Variants in TNRC18 observed in about 807,000 individuals in gnomAD.
The protein encoded by TNRC18 is trinucleotide repeat containing 18.
TNRC18 carries 69 observed loss-of-function variants against 226.7 expected under a neutral mutation model. The ratio of observed to expected loss-of-function variants is 0.30; its 90% CI spans 0.25 to 0.37. The LOEUF (loss-of-function observed/expected upper bound fraction) is 0.37, where lower values mean the gene tolerates loss of function less well. TNRC18 is among the 10% of genes least tolerant of loss of function. TNRC18 has a pLI of 1.00. For synonymous variants in TNRC18, 2,449 were observed against 1,927.6 expected, an observed-to-expected ratio of 1.27 and a Z score of -7.09; for missense variants, 4,754 against 4,256.6, an observed-to-expected ratio of 1.12 and a Z score of -3.25.
intron 11 of TNRC18, among the ~76,000 whole-genome samples, chr7:5,363,373 C>T (rs534934376): frequency 2.6e-5 from 4 of 152,144 alleles, no homozygotes; most frequent in East Asian, 1.9e-4. Context: ...GAGGCCGAGG[C>T]GGGCAGATCA....
chr7:5,353,501 G>C (rs762506969), intron 16 of TNRC18, among the ~76,000 whole-genome samples: 1 of 149,178 alleles, frequency 6.7e-6, no homozygotes, highest in Non-Finnish European at 1.5e-5. Flanking sequence ...GGAGGTTGCA[G>C]TGCGGCCGAG....
chr7:5,359,562 T>C lies in TNRC18; in HGVS notation c.4669A>G (p.Ser1557Gly), dbSNP rs1339095899. ...TCATCTGATGTCAGCAGAGACTTGC[T>C]GCTCAGCCTGAAACGCAGACACACT... is the stretch of plus-strand genomic sequence containing the variant. ...KSGHSSGKLS[S>G]KSLLTSDDYE... The change falls in exon 15 of 30, where the codon AGC becomes GGC. Residue 1557 changes from serine to glycine, a missense_variant. By Grantham distance (56) the Ser-to-Gly change is moderately conservative (BLOSUM62 0). Transcript: ENST00000430969. 1 of 1,613,892 alleles carries C rather than the reference T, an allele frequency of 6.2e-7. No individual in the cohort carries two copies. Among genetic ancestry groups the C allele is most frequent in the Non-Finnish European group, 8.5e-7 (1 of 1,179,894 alleles).
At chr7:5,384,603 C>A (rs552156754) in intron 5 of TNRC18, among the ~76,000 whole-genome samples, 2 of 152,068 alleles carry the variant, frequency 1.3e-5, no homozygotes, top group African/African-American at 4.8e-5. Context: ...CTCCAGTGAC[C>A]GTGAGCCCCC....
chr7:5,383,409 G>A (rs1002145111), intron 5 of TNRC18, among the ~76,000 whole-genome samples: 3 of 152,208 alleles, frequency 2.0e-5, no homozygotes, highest in African/African-American at 7.2e-5. Flanking sequence ...AATATGAGCA[G>A]ATGAGAGAGA....
At chr7:5,378,070 C>G (rs1779131364) in intron 5 of TNRC18, 46 bp from the exon 6 acceptor site, 1 of 1,543,420 alleles carries the variant, frequency 6.5e-7, no homozygotes. Flanking sequence ...GCACCGAGCC[C>G]ATCCCAGACC....
intron 19 of TNRC18, among the ~76,000 whole-genome samples, chr7:5,329,774 CGT>C (rs1789321475): frequency 7.4e-5 from 3 of 40,742 alleles, no homozygotes; most frequent in Admixed American, 5.7e-4. Context: ...ACACTGGGGA[CGT>C]AGCTTTAGCT....
chr7:5,321,907 G>A (rs1259854792), intron 21 of TNRC18, among the ~76,000 whole-genome samples: 13 of 151,762 alleles, frequency 8.6e-5, no homozygotes, highest in South Asian at 2.1e-4. Context: ...CCTGACCTCC[G>A]GTGATCCACC....
intron 18 of TNRC18, among the ~76,000 whole-genome samples, chr7:5,335,398 A>C (rs1317301322): frequency 6.6e-6 from 1 of 151,558 alleles, no homozygotes; most frequent in Non-Finnish European, 1.5e-5. Flanking sequence ...TCACAAGGTC[A>C]GGAGTTCAAG....
intron 9 of TNRC18, 34 bp downstream of exon 9, chr7:5,376,000 C>G (rs927326577): frequency 5.1e-6 from 8 of 1,557,088 alleles, no homozygotes; most frequent in Non-Finnish European, 6.9e-6. Context: ...TGGGGGCCCC[C>G]AGAGGGAGCT....
At position 5,374,130 on chromosome 7, in the gene TNRC18, G is replaced by A; in HGVS notation, c.3154C>T (p.Pro1052Ser). Residue 1052 changes from proline (P) to serine (S), a missense_variant, in exon 10 of 30, where the codon CCC becomes TCC. Coordinates refer to ENST00000430969, the MANE Select transcript of TNRC18 (RefSeq NM_001080495.3). ...TCTTTCTTCTCGACCACATTCTCGG[G>A]AGCCTCCTCCTTGCGGGTGATACCC... Reference protein sequence around the residue: ...TPGITRKEEAPENVVEKKDLE... With the variant: ...TPGITRKEEASENVVEKKDLE... 6.6e-7 allele frequency: 1 copy of A among 1,523,754 alleles called. No individual in the cohort carries two copies. Among genetic ancestry groups the A allele is most frequent in the South Asian group, 1.2e-5 (1 of 85,058 alleles). The allele number at this position is 1,523,754 out of a possible 1,614,324, so 94.4% of individuals were successfully genotyped here. A position where few individuals can be genotyped will look rare whatever the true frequency, so the allele number is the denominator to read the frequency against.
chr7:5,313,767 C>A lies in TNRC18; in HGVS notation c.7124G>T (p.Ser2375Ile), dbSNP rs1424485908. The change falls in exon 27 of 30, where the codon AGC becomes ATC. Residue 2375 changes from serine to isoleucine, a missense_variant. Ser to Ile is a moderately radical substitution (Grantham distance 142). Transcript: ENST00000430969. ...TCGCTTGTCCACAGGCTCTGGGGGGCTCTTCTTGGAACCTGGGGTGCTGCT... is the reference window on the plus strand; with the variant it reads ...TCGCTTGTCCACAGGCTCTGGGGGGATCTTCTTGGAACCTGGGGTGCTGCT... ...EPSSTPGSKK[S>I]PPEPVDKRAK... 1 of 1,549,572 alleles carries A rather than the reference C, an allele frequency of 6.5e-7. No individual in the cohort carries two copies. Among genetic ancestry groups the A allele is most frequent in the Non-Finnish European group, 8.7e-7 (1 of 1,148,652 alleles).
chr7:5,417,381 G>A (rs1043253955), intron 2 of TNRC18, among the ~76,000 whole-genome samples: 2 of 151,874 alleles, frequency 1.3e-5, no homozygotes, highest in Non-Finnish European at 2.9e-5. Flanking sequence ...GAGGTAGGAG[G>A]ATGGACTCAG....
At chr7:5,375,767 G>A (rs1049900010) in intron 9 of TNRC18, among the ~76,000 whole-genome samples, 2 of 152,244 alleles carry the variant, frequency 1.3e-5, no homozygotes, top group Admixed American at 1.3e-4. Context: ...CCACCTCTCT[G>A]CCTTGGTTTC....
intron 19 of TNRC18, among the ~76,000 whole-genome samples, chr7:5,327,350 A>AAT (rs752633513): frequency 1.3e-5 from 2 of 150,844 alleles, no homozygotes; most frequent in African/African-American, 2.4e-5. Flanking sequence ...GGGGGGGAAA[A>AAT]ATATATATGT....
chr7:5,416,200 G>T (rs981644095), intron 2 of TNRC18, among the ~76,000 whole-genome samples: 1 of 151,012 alleles, frequency 6.6e-6, no homozygotes, highest in East Asian at 2.0e-4. Context: ...GGATCAAGAG[G>T]TCAGGAGATC....
chr7:5,319,784 AC>A (rs1218880771), intron 24 of TNRC18, among the ~76,000 whole-genome samples: 1 of 152,200 alleles, frequency 6.6e-6, no homozygotes, highest in Non-Finnish European at 1.5e-5. Context: ...TGCTGGGATT[AC>A]AGGCATGAGC....
rs536362958 is a variant in TNRC18 at position 5,363,564 on chromosome 7, A to G, written c.4220-739T>C. 3.8e-4 allele frequency among the ~76,000 whole-genome samples: 58 copies of G among 152,250 alleles called. No individual in the cohort carries two copies. In the East Asian group the frequency reaches 8.9e-3, roughly 23 times the overall value. The stretch of plus-strand genomic sequence containing the variant: ...GCTTGCAGTAAGCCGAGATGGCGCC[A>G]CTGCACTCCAGCCTGGGTGACAGAG... On this transcript the variant is annotated intron_variant, in intron 11 of 29. Transcript: ENST00000430969.
chr7:5,406,667 A>C (rs1006635009), intron 2 of TNRC18, among the ~76,000 whole-genome samples: 2 of 152,006 alleles, frequency 1.3e-5, no homozygotes, highest in Non-Finnish European at 2.9e-5. Context: ...CCTGGCCAAC[A>C]GGGTGAAACC....
chr7:5,371,649 A>G (rs996911498), intron 10 of TNRC18, among the ~76,000 whole-genome samples: 1 of 152,188 alleles, frequency 6.6e-6, no homozygotes, highest in African/African-American at 2.4e-5. Flanking sequence ...ACCCAGCACA[A>G]GGCTAGACCA....
Sources: gnomAD v4.1 joint callset for allele counts (sites outside exome capture counted in the v4.1 genomes callset) on GRCh38, gnomAD v4.1.1 for gene constraint, MANE v1.5 for transcripts, NCBI Gene and HGNC (gene_info 2026-07-23, HGNC 2026-07-21) for gene names.